The following MAP2 variants were observed in gnomAD, a reference collection of about 807,000 sequenced individuals.
MAP2 encodes the protein microtubule-associated protein 2.
Under a neutral mutation model 137.6 loss-of-function variants are expected in MAP2, and 14 were observed. The observed-to-expected ratio is 0.10, with a 90% CI of 0.07 to 0.16. MAP2 has a LOEUF of 0.16. MAP2 is among the 10% of genes least tolerant of loss of function. MAP2 has a pLI of 1.00. For missense variants in MAP2, 2,088 were observed against 2,191.5 expected, an observed-to-expected ratio of 0.95 and a Z score of 0.94; for synonymous variants, 786 against 782.3, an observed-to-expected ratio of 1.00 and a Z score of -0.08.
At chr2:209,539,137 C>T (rs566240153) in intron 2 of MAP2, among the ~76,000 whole-genome samples, 1 of 152,054 alleles carries the variant, frequency 6.6e-6, no homozygotes, top group East Asian at 1.9e-4. Context: ...TTTATTTGAC[C>T]TGCTGATCCT....
intron 1 of MAP2, among the ~76,000 whole-genome samples, chr2:209,455,441 G>A (rs1345845715): frequency 1.3e-5 from 2 of 152,152 alleles, no homozygotes; most frequent in Non-Finnish European, 2.9e-5. Flanking sequence ...GCTCTGTGCT[G>A]TTATTGTCAA....
At chr2:209,620,701 T>G (rs560738904) in intron 3 of MAP2, among the ~76,000 whole-genome samples, 1 of 152,292 alleles carries the variant, frequency 6.6e-6, no homozygotes, top group Non-Finnish European at 1.5e-5. Flanking sequence ...TAATAGATAT[T>G]TTCCCAACTG....
chr2:209,480,426 G>C (rs544378666), intron 1 of MAP2, among the ~76,000 whole-genome samples: 1 of 152,132 alleles, frequency 6.6e-6, no homozygotes, highest in African/African-American at 2.4e-5. Flanking sequence ...TTCTGGCTGA[G>C]TCTGTGGATA....
intron 5 of MAP2, among the ~76,000 whole-genome samples, chr2:209,654,372 A>G (rs2095002311): frequency 6.6e-6 from 1 of 152,204 alleles, no homozygotes; most frequent in African/African-American, 2.4e-5. Flanking sequence ...ATAGTGTCCA[A>G]CCTGATTCCA....
chr2:209,482,478 A>T (rs2057846634), intron 1 of MAP2, among the ~76,000 whole-genome samples: 1 of 152,230 alleles, frequency 6.6e-6, no homozygotes, highest in African/African-American at 2.4e-5. Flanking sequence ...AAGCTATGTC[A>T]GTTCTTTCCC....
chr2:209,627,851 CTTACCAGGTGA>C (rs1295615507), intron 4 of MAP2, among the ~76,000 whole-genome samples: 2 of 152,124 alleles, frequency 1.3e-5, no homozygotes. Context: ...CCTCACACTG[CTTACCAGGTGA>C]TTACCTTTGA....
chr2:209,716,052 G>C (rs2067457610), intron 13 of MAP2, among the ~76,000 whole-genome samples: 1 of 152,028 alleles, frequency 6.6e-6, no homozygotes, highest in African/African-American at 2.4e-5. Flanking sequence ...ATCTCTTGCT[G>C]ATATTGTCGC....
intron 3 of MAP2, among the ~76,000 whole-genome samples, chr2:209,615,737 A>G (rs1478483148): frequency 1.3e-5 from 2 of 152,200 alleles, no homozygotes; most frequent in East Asian, 1.9e-4. Flanking sequence ...GCCAAGCTAC[A>G]TGTTAAATCC....
chr2:209,558,078 C>T (rs1275099957), intron 2 of MAP2, among the ~76,000 whole-genome samples: 1 of 152,174 alleles, frequency 6.6e-6, no homozygotes, highest in Non-Finnish European at 1.5e-5. Context: ...TAATTGTTAA[C>T]ATGATGACAA....
At chr2:209,673,495 AAAG>A (rs1294690488) in intron 5 of MAP2, among the ~76,000 whole-genome samples, 3 of 151,852 alleles carry the variant, frequency 2.0e-5, no homozygotes, top group African/African-American at 7.2e-5. Flanking sequence ...TTCACAAGAG[AAAG>A]AATAGAAAAA....
At chr2:209,500,671 A>G (rs2060264968) in intron 1 of MAP2, among the ~76,000 whole-genome samples, 1 of 152,080 alleles carries the variant, frequency 6.6e-6, no homozygotes, top group South Asian at 2.1e-4. Context: ...TAACTAAGTG[A>G]ACTCTTTAAG....
chr2:209,538,553 T>TTTC (rs370133503), intron 2 of MAP2, among the ~76,000 whole-genome samples: 76 of 150,098 alleles, frequency 5.1e-4, no homozygotes, highest in African/African-American at 1.8e-3. Context: ...TTTTTTTTTT[T>TTTC]CCTCTGTGTA....
At chr2:209,638,195 A>G (rs540715542) in intron 4 of MAP2, among the ~76,000 whole-genome samples, 44 of 152,268 alleles carry the variant, frequency 2.9e-4, no homozygotes, top group Non-Finnish European at 6.0e-4. Flanking sequence ...TACAAGTAGC[A>G]TGCCATGGAA....
intron 2 of MAP2, among the ~76,000 whole-genome samples, chr2:209,574,497 A>C (rs77206785): frequency 0.017 from 2,609 of 151,860 alleles, 86 homozygotes; most frequent in African/African-American, 0.06. Flanking sequence ...CCATTCATCC[A>C]TCTACAGACA....
chr2:209,480,657 T>C (rs898699429), intron 1 of MAP2, among the ~76,000 whole-genome samples: 1 of 152,128 alleles, frequency 6.6e-6, no homozygotes, highest in Non-Finnish European at 1.5e-5. Context: ...TTGTTTGAGG[T>C]TAATAATAAG....
Position 209,552,731 on chromosome 2 carries a change from C to T in MAP2, c.-171-27305C>T, listed in dbSNP as rs951546734. ...CAAAAATTAGCCGGGCGTTGTGGCA[C>T]GCACCTGTAGTCCCAGCTACTTGGG... On this transcript the variant is annotated intron_variant, in intron 2 of 15. Transcript: ENST00000682079. Among the ~76,000 whole-genome samples, 9 of 151,812 alleles carry T rather than the reference C, an allele frequency of 5.9e-5. No individual in the cohort carries two copies. In the South Asian group the frequency reaches 1.0e-3, roughly 18 times the overall value.
intron 10 of MAP2, among the ~76,000 whole-genome samples, chr2:209,698,075 C>T (rs1428902199): frequency 4.6e-5 from 7 of 151,650 alleles, no homozygotes; most frequent in Admixed American, 4.6e-4. Context: ...GTTTTGAACT[C>T]CTGACCTCGT....
At chr2:209,542,367 T>G (rs2067211651) in intron 2 of MAP2, among the ~76,000 whole-genome samples, 1 of 152,188 alleles carries the variant, frequency 6.6e-6, no homozygotes, top group Non-Finnish European at 1.5e-5. Context: ...ACAGAGTAGA[T>G]TTAGCATCAT....
intron 2 of MAP2, among the ~76,000 whole-genome samples, chr2:209,548,182 T>C (rs758510393): frequency 2.6e-5 from 4 of 152,222 alleles, no homozygotes; most frequent in Non-Finnish European, 5.9e-5. Flanking sequence ...AGGAAGATAT[T>C]TCCTGAGTAG....
Sources: gnomAD v4.1 joint callset for allele counts (sites outside exome capture counted in the v4.1 genomes callset) on GRCh38, gnomAD v4.1.1 for gene constraint, MANE v1.5 for transcripts, NCBI Gene and HGNC (gene_info 2026-07-23, HGNC 2026-07-21) for gene names.